TRAPPC9: variants seen among roughly 807,000 people sequenced by gnomAD.
The protein encoded by TRAPPC9 is IKK2 binding protein.
In TRAPPC9, 83 loss-of-function variants were observed where a neutral mutation model predicts 124.0. The ratio of observed to expected loss-of-function variants is 0.67; its 90% CI spans 0.56 to 0.80. The LOEUF is 0.80. Among genes scored for constraint, TRAPPC9 ranks in the 30% least tolerant of loss-of-function variants. The pLI is 0.00. For missense variants in TRAPPC9, 1,302 were observed against 1,508.3 expected, an observed-to-expected ratio of 0.86 and a Z score of 2.27; for synonymous variants, 638 against 617.5, an observed-to-expected ratio of 1.03 and a Z score of -0.49.
intron 21 of TRAPPC9, among the ~76,000 whole-genome samples, chr8:139,736,455 A>G (rs767860224): frequency 3.3e-5 from 5 of 152,166 alleles, no homozygotes; most frequent in Admixed American, 6.5e-5. Flanking sequence ...CAGCCCCTAC[A>G]GCTCCGGCAG....
intron 18 of TRAPPC9, among the ~76,000 whole-genome samples, chr8:140,016,414 T>G: frequency 6.6e-6 from 1 of 152,172 alleles, no homozygotes; most frequent in African/African-American, 2.4e-5. Flanking sequence ...AACCAGACAG[T>G]TGCTAACCCA....
chr8:140,068,224 G>A (rs2129746494), intron 17 of TRAPPC9, among the ~76,000 whole-genome samples: 1 of 152,248 alleles, frequency 6.6e-6, no homozygotes, highest in South Asian at 2.1e-4. Context: ...AAGGCTTCAT[G>A]GAGGTGTGAC....
intron 16 of TRAPPC9, among the ~76,000 whole-genome samples, chr8:140,234,302 G>A (rs567403718): frequency 6.6e-6 from 1 of 152,260 alleles, no homozygotes; most frequent in African/African-American, 2.4e-5. Context: ...CCCAACCCTG[G>A]TGCCAAAAAG....
chr8:140,029,641 A>AATATAT lies in TRAPPC9; in HGVS notation c.2557-5568_2557-5563dup, dbSNP rs139497133. 2.5e-4 allele frequency among the ~76,000 whole-genome samples: 37 copies of AATATAT among 148,106 alleles called. 1 individual carries two copies. In the South Asian group the frequency reaches 7.8e-3, roughly 31 times the overall value. On this transcript the variant is annotated intron_variant, in intron 17 of 22. Transcript: ENST00000438773. The stretch of plus-strand genomic sequence containing the variant: ...TAAGTATAATAATAATAAAATTAAA[A>AATATAT]ATATATATATATATACTCCCAAAAG...
At chr8:139,981,650 G>A (rs905008629) in intron 19 of TRAPPC9, among the ~76,000 whole-genome samples, 3 of 152,224 alleles carry the variant, frequency 2.0e-5, no homozygotes, top group Admixed American at 6.5e-5. Context: ...AGTTGAGTTG[G>A]GGGCTGCTCT....
At chr8:140,410,943 G>A (rs1411722772) in intron 5 of TRAPPC9, among the ~76,000 whole-genome samples, 1 of 151,914 alleles carries the variant, frequency 6.6e-6, no homozygotes, top group African/African-American at 2.4e-5. Flanking sequence ...GCAAAGATGG[G>A]GAAACTCATT....
At chr8:140,364,281 T>G (rs749357436) in intron 8 of TRAPPC9, among the ~76,000 whole-genome samples, 1 of 136,862 alleles carries the variant, frequency 7.3e-6, no homozygotes, top group Non-Finnish European at 1.5e-5. Flanking sequence ...TGGAGTTATA[T>G]TCAAAGGATG....
In TRAPPC9 at chr8:139,730,833, G is replaced by C. The variant is rs928227743; in HGVS notation, c.*228C>G. The C allele has an allele frequency of 1.7e-4, 99 of 585,628 alleles. No individual in the cohort carries two copies. Among genetic ancestry groups the C allele is most frequent in the Non-Finnish European group, 2.7e-4 (90 of 329,000 alleles). The allele number at this position is 585,628 out of a possible 1,614,324, so 36.3% of individuals were successfully genotyped here. On this transcript the variant is annotated 3_prime_UTR_variant, in exon 23 of 23. Coordinates refer to ENST00000438773, the MANE Select transcript of TRAPPC9 (RefSeq NM_001160372.4). ...TCTGCTTCAGCCTGTGTATGGTCCA[G>C]GGAACAGTGTAGGAAGGGGCGTGGC...
At chr8:139,967,466 T>C (rs1835776260) in intron 19 of TRAPPC9, among the ~76,000 whole-genome samples, 1 of 152,378 alleles carries the variant, frequency 6.6e-6, no homozygotes, top group Admixed American at 6.5e-5. Context: ...CAGTTCCTAC[T>C]GTATTGGCCA....
intron 7 of TRAPPC9, among the ~76,000 whole-genome samples, chr8:140,386,939 A>T (rs1470887436): frequency 1.3e-5 from 2 of 152,192 alleles, no homozygotes; most frequent in Admixed American, 6.5e-5. Context: ...ACAGTAACCA[A>T]AACAGCATGG....
At chr8:139,895,569 T>A (rs1243198110) in intron 20 of TRAPPC9, among the ~76,000 whole-genome samples, 2 of 152,294 alleles carry the variant, frequency 1.3e-5, no homozygotes, top group Non-Finnish European at 2.9e-5. Context: ...AATACAAAAA[T>A]TAGCATAACA....
At chr8:139,733,986 C>G (rs115036268) in intron 21 of TRAPPC9, among the ~76,000 whole-genome samples, 2 of 152,230 alleles carry the variant, frequency 1.3e-5, no homozygotes, top group South Asian at 4.1e-4. Flanking sequence ...TGCCCTCACA[C>G]GCAGGTGAGG....
chr8:139,991,097 C>T (rs573156050), intron 18 of TRAPPC9, among the ~76,000 whole-genome samples: 1 of 152,298 alleles, frequency 6.6e-6, no homozygotes, highest in South Asian at 2.1e-4. Flanking sequence ...GAATGAAGAT[C>T]TATTCCTCTG....
At chr8:140,249,285 C>T (rs1335304167) in intron 16 of TRAPPC9, among the ~76,000 whole-genome samples, 1 of 152,120 alleles carries the variant, frequency 6.6e-6, no homozygotes, top group Non-Finnish European at 1.5e-5. Flanking sequence ...GCTGTATTTG[C>T]TTTTCTATTC....
chr8:140,070,683 G>A (rs1388562033), intron 17 of TRAPPC9, among the ~76,000 whole-genome samples: 1 of 152,164 alleles, frequency 6.6e-6, no homozygotes, highest in African/African-American at 2.4e-5. Context: ...GCCAAAAACT[G>A]GCTCAGAAAG....
At chr8:139,796,424 A>G (rs1363458293) in intron 21 of TRAPPC9, among the ~76,000 whole-genome samples, 3 of 152,132 alleles carry the variant, frequency 2.0e-5, no homozygotes, top group African/African-American at 7.2e-5. Context: ...CCCCATCCCC[A>G]CCAGCCAGCA....
At chr8:140,200,497 C>A (rs1273838802) in intron 17 of TRAPPC9, among the ~76,000 whole-genome samples, 1 of 152,092 alleles carries the variant, frequency 6.6e-6, no homozygotes, top group Non-Finnish European at 1.5e-5. Flanking sequence ...ACGACCCCGG[C>A]CAGGCGATCA....
chr8:140,417,517 T>A (rs546604620), intron 5 of TRAPPC9, among the ~76,000 whole-genome samples: 47 of 152,294 alleles, frequency 3.1e-4, no homozygotes, highest in African/African-American at 1.1e-3. Flanking sequence ...TGAGATACCA[T>A]CTCACGCTAG....
intron 11 of TRAPPC9, among the ~76,000 whole-genome samples, chr8:140,300,119 A>G (rs1427450615): frequency 1.3e-5 from 2 of 152,238 alleles, no homozygotes; most frequent in Non-Finnish European, 2.9e-5. Flanking sequence ...TCTATGGGCA[A>G]TTGCCTGCCA....
Sources: allele counts gnomAD v4.1 joint callset (sites outside exome capture counted in the v4.1 genomes callset), GRCh38; gene constraint gnomAD v4.1.1; transcripts MANE v1.5; gene names NCBI Gene and HGNC (gene_info 2026-07-23, HGNC 2026-07-21).